NOTCH3: variants seen among roughly 807,000 people sequenced by gnomAD.
NOTCH3 encodes neurogenic locus notch homolog protein 3.
In NOTCH3, 86 loss-of-function variants were observed where a neutral mutation model predicts 213.3. The ratio of observed to expected loss-of-function variants is 0.40; its 90% CI spans 0.34 to 0.48. The LOEUF (loss-of-function observed/expected upper bound fraction) is 0.48. Ranked by LOEUF, NOTCH3 falls within the 20% of genes least tolerant of loss-of-function variation. The pLI, the probability that NOTCH3 is intolerant of heterozygous loss-of-function variation, is 0.57. For synonymous variants in NOTCH3, 1,354 were observed against 1,355.9 expected (o/e 1.00, Z 0.03); for missense variants, 2,783 against 3,272.6 (o/e 0.85, Z 3.65).
At chr19:15,166,324 T>C (rs1383993965) in intron 29 of NOTCH3, among the ~76,000 whole-genome samples, 2 of 152,120 alleles carry the variant, frequency 1.3e-5, no homozygotes, top group African/African-American at 4.8e-5. Flanking sequence ...GTCAAGCAAG[T>C]GTGCAACCTC....
At chr19:15,188,410 G>A (rs2046901347) in intron 8 of NOTCH3, 62 bp from the exon 9 acceptor site, 1 of 1,065,840 alleles carries the variant, frequency 9.4e-7, no homozygotes, top group Non-Finnish European at 1.4e-6. Context: ...CGGGGTGCAA[G>A]GAAGGAGGTA....
intron 31 of NOTCH3, among the ~76,000 whole-genome samples, chr19:15,164,569 A>T: frequency 6.6e-6 from 1 of 151,422 alleles, no homozygotes; most frequent in Non-Finnish European, 1.5e-5. Flanking sequence ...AAAGGGCAAC[A>T]TAAGGAGAAA....
At chr19:15,175,400 G>A (rs1053616498) in intron 24 of NOTCH3, among the ~76,000 whole-genome samples, 1 of 150,262 alleles carries the variant, frequency 6.7e-6, no homozygotes, top group African/African-American at 2.5e-5. Flanking sequence ...CAGGCATGGT[G>A]GCGGGCGCCT....
intron 25 of NOTCH3, among the ~76,000 whole-genome samples, chr19:15,172,658 TTTTC>T (rs994396500): frequency 5.4e-4 from 82 of 150,870 alleles, no homozygotes; most frequent in Admixed American, 1.4e-3. Flanking sequence ...CTTCTATATT[TTTTC>T]TTTTTCTTTT....
rs764894150 is a variant in NOTCH3 at position 15,181,128 on chromosome 19, C to T, written c.2827G>A (p.Val943Met). ...CGGCACAGGCAGCTGAACGAGTTCA[C>T]GCCGTCCACACAGGTCCCGCCATTG... ...CFNGGTCVDG[V>M]NSFSCLCRPG... Residue 943 changes from valine to methionine, a missense_variant, in exon 18 of 33, where the codon GTG becomes ATG. Around this residue, in one of 6 missense-constraint regions of NOTCH3, gnomAD observed 861 missense variants for 909.1 expected, o/e 0.95. Transcript: ENST00000263388. 3.9e-5 allele frequency: 63 copies of T among 1,607,400 alleles called. No homozygotes were observed. The highest frequency in any genetic ancestry group is 5.1e-5 in the Non-Finnish European group (60 of 1,177,708).
At position 15,179,017 on chromosome 19, in the gene NOTCH3, A is replaced by G. The variant is rs1454747707; in HGVS notation, c.3718+8T>C. 3.1e-6 allele frequency: 5 copies of G among 1,614,082 alleles called. No individual in the cohort carries two copies. In the South Asian group the frequency reaches 3.3e-5, roughly 11 times the overall value. ...GGGTCCCAGGCCAGCCCCTTCGCCA[A>G]CGCTTACCTGAGAAGCCAGCATGAC... On this transcript the variant is annotated splice_region_variant and intron_variant, in intron 22 of 32. Coordinates refer to ENST00000263388, the MANE Select transcript of NOTCH3 (RefSeq NM_000435.3).
chr19:15,168,156 G>A (rs770047996), intron 28 of NOTCH3, among the ~76,000 whole-genome samples: 12 of 152,096 alleles, frequency 7.9e-5, no homozygotes, highest in Non-Finnish European at 1.6e-4. Flanking sequence ...TAGCTGGAAG[G>A]CTCTGGGCAA....
At chr19:15,184,200 T>G (rs8113116) in intron 16 of NOTCH3, 95 bp downstream of exon 16, 1 of 1,257,002 alleles carries the variant, frequency 8.0e-7, no homozygotes, top group South Asian at 1.2e-5. Context: ...AAGATAACTG[T>G]GAAGATGAAA....
At chr19:15,170,191 G>T in intron 27 of NOTCH3, 21 bp from the exon 28 acceptor site, 1 of 1,564,898 alleles carries the variant, frequency 6.4e-7, no homozygotes, top group South Asian at 1.1e-5. Context: ...ATGGGAAGAG[G>T]GGATGTGAGG....
At chr19:15,183,029 T>C (rs2046852670) in intron 16 of NOTCH3, among the ~76,000 whole-genome samples, 1 of 152,176 alleles carries the variant, frequency 6.6e-6, no homozygotes, top group Non-Finnish European at 1.5e-5. Context: ...GGCAGGAGGA[T>C]GGCTTGAGGC....
At chr19:15,168,629 C>G (rs2046704954) in intron 28 of NOTCH3, among the ~76,000 whole-genome samples, 1 of 151,952 alleles carries the variant, frequency 6.6e-6, no homozygotes, top group Admixed American at 6.6e-5. Flanking sequence ...AGGTCTGCAG[C>G]TTGAGACCAG....
Position 15,162,362 on chromosome 19 carries a change from A to G in NOTCH3, c.5913+103T>C, listed in dbSNP as rs867112599. 1.5e-4 allele frequency: 133 copies of G among 874,510 alleles called. No individual in the cohort carries two copies. In the South Asian group the frequency reaches 1.8e-3, roughly 12 times the overall value. 54.2% of individuals were successfully genotyped at this position (874,510 alleles called of 1,614,324 possible). On this transcript the variant is annotated intron_variant, in intron 32 of 32. Transcript: ENST00000263388. ...ATTTTAATCCAATGTTTGGGGTTTT[A>G]TTTTGTTTTGTTTTTTGAGAGAGTC...
chr19:15,165,005 G>T lies in NOTCH3; in HGVS notation c.5815+363C>A, dbSNP rs781199407. On this transcript the variant is annotated intron_variant, in intron 31 of 32. Transcript: ENST00000263388. This position sits in a 1 kb window ranked among gnomAD's most constrained non-coding sequence, Gnocchi z 4.7. ...TTGCCCAGTCTGGTCTCAAACTCCT[G>T]GCCTCAAGTCATCCTCCTGCCTCAG... Among the ~76,000 whole-genome samples, 2 of 152,070 alleles carry T rather than the reference G, an allele frequency of 1.3e-5. No individual in the cohort carries two copies. The highest frequency in any genetic ancestry group is 2.9e-5 in the Non-Finnish European group (2 of 68,022).
rs1283231260 is a variant in NOTCH3 at position 15,160,698 on chromosome 19, C to T, written c.6930G>A (p.Gln2310=). ...CTTGCCTCTTGGGGGTAACTTCCGG[C>T]TGGGGCCCCAGCTGGGTCTGGGCCT... ...LAQAQTQLGP[Q]PEVTPKRQVL... The change falls in exon 33 of 33, where the codon CAG becomes CAA. Residue 2310 remains glutamine, a synonymous_variant. Coordinates refer to ENST00000263388, the MANE Select transcript of NOTCH3 (RefSeq NM_000435.3). The T allele has an allele frequency of 6.2e-7, 1 of 1,614,102 alleles. No homozygotes were observed. The highest frequency in any genetic ancestry group is 8.5e-7 in the Non-Finnish European group (1 of 1,180,048).
In NOTCH3 at chr19:15,198,050, G is replaced by A. The variant is rs533693159; in HGVS notation, c.119-472C>T. On this transcript the variant is annotated intron_variant, in intron 1 of 32. Coordinates refer to ENST00000263388, the MANE Select transcript of NOTCH3 (RefSeq NM_000435.3). ...GCATCTACTCCAGCCAGGCAGGCCT[G>A]CGTGGTGCTCTTGGGAGAGGGACCA... Among the ~76,000 whole-genome samples, 60 of 152,284 alleles carry A rather than the reference G, an allele frequency of 3.9e-4. 3 individuals are homozygous for A. In the South Asian group the frequency reaches 0.012, roughly 31 times the overall value.
intron 2 of NOTCH3, among the ~76,000 whole-genome samples, chr19:15,193,455 A>G (rs538293043): frequency 6.6e-6 from 1 of 152,198 alleles, no homozygotes; most frequent in South Asian, 2.1e-4. Flanking sequence ...TGAATTATCC[A>G]CCTGGGCCCT....
Position 15,191,443 on chromosome 19 carries a change from G to C in NOTCH3, c.1017C>G (p.Ala339=). The part of the protein sequence containing the change: ...CHDRVASFYC[A]CPMGKTGLLC... ...ACTCACCAGTCTTGCCCATGGGGCA[G>C]GCACAGTAGAAAGAAGCCACGCGGT... is the stretch of plus-strand genomic sequence containing the variant. The change falls in exon 6 of 33, where the codon GCC becomes GCG. Residue 339 remains alanine, a synonymous_variant. Coordinates refer to ENST00000263388, the MANE Select transcript of NOTCH3 (RefSeq NM_000435.3). The C allele has an allele frequency of 6.2e-7, 1 of 1,613,438 alleles. No individual in the cohort carries two copies. The highest frequency in any genetic ancestry group is 1.1e-5 in the South Asian group (1 of 91,076).
At position 15,190,852 on chromosome 19, in the gene NOTCH3, G is replaced by A. The variant is rs180890680; in HGVS notation, c.1036+572C>T. On this transcript the variant is annotated intron_variant, in intron 6 of 32. Transcript: ENST00000263388. ...TCTACCCGCCTGGGCCTCCCAATGT[G>A]TTGGGGTTACAGGCGTGAGCCACCA... Among the ~76,000 whole-genome samples, 172 of 152,208 alleles carry A rather than the reference G, an allele frequency of 1.1e-3. 3 individuals carry two copies. The highest frequency in any genetic ancestry group is 3.4e-3 in the Middle Eastern group (1 of 294).
intron 24 of NOTCH3, among the ~76,000 whole-genome samples, chr19:15,175,590 TAC>T (rs1555727085): frequency 7.2e-4 from 77 of 107,158 alleles, no homozygotes; most frequent in Middle Eastern, 4.9e-3. Context: ...TATATGTATA[TAC>T]ACACACACAC....
Sources: gnomAD v4.1 joint callset for allele counts (sites outside exome capture counted in the v4.1 genomes callset) on GRCh38, gnomAD v4.1.1 for gene constraint, gnomAD v4.1.1 regional missense constraint, Gnocchi (gnomAD v3.1) non-coding constraint, MANE v1.5 for transcripts, NCBI Gene and HGNC (gene_info 2026-07-23, HGNC 2026-07-21) for gene names.